DEPDC4: variants seen among roughly 807,000 people sequenced by gnomAD.
DEPDC4 encodes the protein DEP domain containing 4, also known as DEP domain-containing protein 4.
DEPDC4 carries 52 observed loss-of-function variants against 52.0 expected under a neutral mutation model. The observed-to-expected ratio is 1.00, with a 90% CI of 0.80 to 1.26. DEPDC4 has a LOEUF of 1.26. DEPDC4 is among the 50% of genes most tolerant of loss of function. The probability of loss-of-function intolerance (pLI) is 0.00; values close to 1 mark genes in which losing one functional copy is unlikely to be tolerated. For missense variants in DEPDC4, 530 were observed against 546.9 expected, an observed-to-expected ratio of 0.97 and a Z score of 0.31; for synonymous variants, 201 against 196.8, an observed-to-expected ratio of 1.02 and a Z score of -0.18.
Position 100,262,371 on chromosome 12 carries a change from T to C in DEPDC4, c.593A>G (p.Glu198Gly), listed in dbSNP as rs1287725384. 1 of 1,612,892 alleles carries C rather than the reference T, an allele frequency of 6.2e-7. No individual in the cohort carries two copies. The highest frequency in any genetic ancestry group is 1.3e-5 in the African/African-American group (1 of 74,974). Residue 198 changes from glutamate (E) to glycine (G), a missense_variant, in exon 3 of 10, where the codon GAG becomes GGG. Transcript: ENST00000550587. Reference protein sequence around the residue: ...YEMISNPLAQEIGEERIEELI... With the variant: ...YEMISNPLAQGIGEERIEELI... ...TTCCTCAATTCTTTCCTCACCAATC[T>C]CCTGTGCTAGAGGATTTGAAATCAT...
At chr12:100,244,403 A>G (rs1183561572) in intron 8 of DEPDC4, among the ~76,000 whole-genome samples, 2 of 151,334 alleles carry the variant, frequency 1.3e-5, no homozygotes, top group Non-Finnish European at 2.9e-5. Context: ...GGACGGTATC[A>G]ATCTCCTGAC....
chr12:100,239,809 A>G (rs1007093512), downstream of DEPDC4, among the ~76,000 whole-genome samples: 3 of 151,996 alleles, frequency 2.0e-5, no homozygotes, highest in Admixed American at 6.6e-5. Context: ...TGGGAGGCAG[A>G]GGCAGGAGGA....
At chr12:100,280,394 C>G in the DEPDC4 span, among the ~76,000 whole-genome samples, 4 of 152,106 alleles carry the variant, frequency 2.6e-5, no homozygotes, top group African/African-American at 9.6e-5. Context: ...CTAATAATAC[C>G]TCTAATTCTC....
At chr12:100,248,013 T>C (rs1270811533) in intron 8 of DEPDC4, among the ~76,000 whole-genome samples, 4 of 152,108 alleles carry the variant, frequency 2.6e-5, no homozygotes. Flanking sequence ...TAAAATCAAA[T>C]AATAATAATA....
chr12:100,256,936 A>C (rs945117478), intron 3 of DEPDC4, among the ~76,000 whole-genome samples: 8 of 147,822 alleles, frequency 5.4e-5, no homozygotes, highest in South Asian at 2.2e-4. Context: ...TCACTGCGCC[A>C]GGCCAGTTCA....
At chr12:100,278,457 GT>G in the DEPDC4 span, among the ~76,000 whole-genome samples, 2 of 151,964 alleles carry the variant, frequency 1.3e-5, no homozygotes, top group African/African-American at 4.8e-5. Context: ...ATCTCTAATA[GT>G]TTTTATAGTG....
intron 8 of DEPDC4, among the ~76,000 whole-genome samples, chr12:100,245,069 A>T (rs2096179450): frequency 6.6e-6 from 1 of 150,794 alleles, no homozygotes; most frequent in Non-Finnish European, 1.5e-5. Context: ...ATGGGGTTTC[A>T]CTATGTTGGC....
the DEPDC4 span, among the ~76,000 whole-genome samples, chr12:100,276,653 A>G: frequency 6.6e-6 from 1 of 152,130 alleles, no homozygotes; most frequent in Non-Finnish European, 1.5e-5. Flanking sequence ...TTTCTTGATC[A>G]ATATAGCTAG....
At chr12:100,254,896 AT>A (rs963051362) in intron 4 of DEPDC4, among the ~76,000 whole-genome samples, 2 of 151,196 alleles carry the variant, frequency 1.3e-5, no homozygotes, top group African/African-American at 2.4e-5. Context: ...TAATTTAAAA[AT>A]TTTTTTTTCA....
rs530595784 is a variant in DEPDC4 at position 100,251,723 on chromosome 12, A to G, written c.1374+453T>C. Among the ~76,000 whole-genome samples the G allele has an allele frequency of 5.3e-5, 8 of 152,156 alleles. No homozygotes were observed. The South Asian group carries it at 1.2e-3, about 24-fold the overall frequency. ...GCTGGGATTACAGGCACGCGCCACC[A>G]CACCTGGCTAATTTTTGTATTTTTA... On this transcript the variant is annotated intron_variant, in intron 7 of 9. Coordinates refer to ENST00000550587, the MANE Select transcript of DEPDC4 (RefSeq NM_001364818.2).
chr12:100,238,676 G>C (rs2096147212), downstream of DEPDC4, among the ~76,000 whole-genome samples: 3 of 151,694 alleles, frequency 2.0e-5, no homozygotes, highest in Non-Finnish European at 4.4e-5. Flanking sequence ...ACTAGAGATG[G>C]GGTTTTGCCA....
upstream of DEPDC4, chr12:100,267,088 A>G: frequency 6.2e-7 from 1 of 1,610,508 alleles, no homozygotes; most frequent in South Asian, 1.1e-5. Flanking sequence ...GCCCCGCCCC[A>G]CCTGACACCC....
chr12:100,255,529 T>C (rs1352906881), intron 4 of DEPDC4, among the ~76,000 whole-genome samples: 2 of 152,208 alleles, frequency 1.3e-5, no homozygotes, highest in African/African-American at 2.4e-5. Flanking sequence ...CTAATGCCTA[T>C]AGTTTCCAGC....
At chr12:100,275,131 A>G in the DEPDC4 span, among the ~76,000 whole-genome samples, 7 of 152,018 alleles carry the variant, frequency 4.6e-5, no homozygotes, top group African/African-American at 1.7e-4. Context: ...ATTCATAGGT[A>G]TTTCATACCC....
intron 8 of DEPDC4, among the ~76,000 whole-genome samples, chr12:100,245,866 T>C (rs2096182985): frequency 6.6e-6 from 1 of 152,226 alleles, no homozygotes; most frequent in African/African-American, 2.4e-5. Flanking sequence ...TAGCTAAATA[T>C]GGCCCTTCAT....
At chr12:100,239,358 G>T (rs937140528), downstream of DEPDC4, among the ~76,000 whole-genome samples, 1 of 150,970 alleles carries the variant, frequency 6.6e-6, no homozygotes, top group Non-Finnish European at 1.5e-5. Flanking sequence ...TTACAGATGT[G>T]AGCCACCACA....
At position 100,256,120 on chromosome 12, in the gene DEPDC4, G is replaced by C. The variant is rs188426198; in HGVS notation, c.807C>G (p.Asn269Lys). 4 of 1,613,050 alleles carry C rather than the reference G, an allele frequency of 2.5e-6. No individual in the cohort carries two copies. In the East Asian group the frequency reaches 8.9e-5, roughly 36 times the overall value. Residue 269 changes from asparagine (N) to lysine (K), a missense_variant, in exon 4 of 10, where the codon AAC (asparagine) becomes AAG (lysine). By Grantham distance (94) the Asn-to-Lys change is moderately conservative (BLOSUM62 0). Coordinates refer to ENST00000550587, the MANE Select transcript of DEPDC4 (RefSeq NM_001364818.2). The part of the protein sequence containing the change: ...PPVKTQNLQL[N>K]KEEDLVITNT... ...TAGTGATAACAAGATCTTCCTCTTT[G>C]TTTAGTTGAAGATTTTGTGTTTTAA...
In DEPDC4 at chr12:100,244,093, G is replaced by C. The variant is rs187145516; in HGVS notation, c.1454-1524C>G. The stretch of plus-strand genomic sequence containing the variant: ...TCCCTCTCTCTCTCTCTCTCTCTCT[G>C]TGTATATATATATATATATATATAT... On this transcript the variant is annotated intron_variant, in intron 8 of 9. Transcript: ENST00000550587. 9.0e-3 allele frequency among the ~76,000 whole-genome samples: 799 copies of C among 89,214 alleles called. 37 individuals are homozygous for C. Among genetic ancestry groups the C allele is most frequent in the East Asian group, 0.087 (178 of 2,042 alleles). 58.5% of individuals were successfully genotyped at this position (89,214 alleles called of 152,430 possible).
chr12:100,235,549 A>G (rs2096140092), downstream of DEPDC4, among the ~76,000 whole-genome samples: 1 of 150,672 alleles, frequency 6.6e-6, no homozygotes, highest in Non-Finnish European at 1.5e-5. Flanking sequence ...TTTCACCCCC[A>G]AGTCCCCAAA....
Sources: gnomAD v4.1 joint callset for allele counts (sites outside exome capture counted in the v4.1 genomes callset) on GRCh38, gnomAD v4.1.1 for gene constraint, MANE v1.5 for transcripts, NCBI Gene and HGNC (gene_info 2026-07-23, HGNC 2026-07-21) for gene names.